The following ADA2 variants were observed in gnomAD, a reference collection of about 807,000 sequenced individuals.
The protein encoded by ADA2 is adenosine deaminase CECR1.
Under a neutral mutation model 44.2 loss-of-function variants are expected in ADA2, and 29 were observed. The observed-to-expected ratio is 0.66, with a 90% CI of 0.49 to 0.89. The LOEUF (loss-of-function observed/expected upper bound fraction) is 0.89, where lower values mean the gene tolerates loss of function less well. Ranked by LOEUF, ADA2 falls within the 40% of genes least tolerant of loss-of-function variation. ADA2 has a pLI of 0.00. For synonymous variants in ADA2, 215 were observed against 234.9 expected (o/e 0.92, Z 0.77); for missense variants, 637 against 644.8 (o/e 0.99, Z 0.13).
intron 4 of ADA2, among the ~76,000 whole-genome samples, chr22:17,203,085 T>G (rs2062310515): frequency 6.6e-6 from 1 of 152,086 alleles, no homozygotes; most frequent in Admixed American, 6.6e-5. Context: ...TCTATTTCAT[T>G]TTTCTACTCC....
At chr22:17,189,732 C>T (rs1167567743) in intron 6 of ADA2, 1 of 529,060 alleles carries the variant, frequency 1.9e-6, no homozygotes, top group Non-Finnish European at 3.4e-6. Flanking sequence ...TCTCCCTTCT[C>T]CAGTGACAGC....
At chr22:17,211,079 C>CA (rs2062413604) in intron 1 of ADA2, among the ~76,000 whole-genome samples, 1 of 151,914 alleles carries the variant, frequency 6.6e-6, no homozygotes, top group Non-Finnish European at 1.5e-5. Flanking sequence ...AATAAAAATA[C>CA]GGCTGGGCGC....
chr22:17,187,871 G>A (rs1171303775), intron 7 of ADA2, among the ~76,000 whole-genome samples: 2 of 151,904 alleles, frequency 1.3e-5, no homozygotes, highest in Non-Finnish European at 2.9e-5. Flanking sequence ...TTGGGAGGCC[G>A]AGGAGGGCAG....
In ADA2 at chr22:17,199,670, G is replaced by A. The variant is rs2062249127; in HGVS notation, c.753+3893C>T. 13 of 1,605,360 alleles carry A rather than the reference G, an allele frequency of 8.1e-6. No individual in the cohort carries two copies. The Admixed American group carries it at 1.4e-4, about 17-fold the overall frequency. On this transcript the variant is annotated intron_variant, in intron 4 of 9. Transcript: ENST00000399837. ...GCTATTAGGACGCTCAGAGAGCCCA[G>A]CGCGGTGAGGAAAGCGACGAACTTA...
intron 4 of ADA2, chr22:17,192,840 A>G (rs200715709): frequency 2.4e-4 from 78 of 323,210 alleles, no homozygotes; most frequent in African/African-American, 7.2e-4. Flanking sequence ...AAAAAAAAAA[A>G]GGGGGGGCCC....
At chr22:17,214,058 AAAT>A in intron 1 of ADA2, 4 of 490,336 alleles carry the variant, frequency 8.2e-6, no homozygotes, top group Non-Finnish European at 1.5e-5. Context: ...AAAAAAAAAA[AAAT>A]AGCATCCAAA....
At chr22:17,208,850 ACAGGG>A (rs1444891359) in intron 2 of ADA2, among the ~76,000 whole-genome samples, 1 of 144,626 alleles carries the variant, frequency 6.9e-6, no homozygotes, top group Non-Finnish European at 1.5e-5. Context: ...TTTTTGGGGA[ACAGGG>A]TCTTGCTCTG....
At chr22:17,207,354 T>G in intron 2 of ADA2, 64 bp from the exon 3 acceptor site, 2 of 1,250,966 alleles carry the variant, frequency 1.6e-6, no homozygotes, top group Non-Finnish European at 2.3e-6. Flanking sequence ...CTCCAGGGCT[T>G]GGGGACAAAG....
chr22:17,186,158 G>A (rs1466788315), intron 7 of ADA2, among the ~76,000 whole-genome samples: 1 of 152,156 alleles, frequency 6.6e-6, no homozygotes, highest in Non-Finnish European at 1.5e-5. Context: ...CTAAAGACAA[G>A]GAGCAGACCT....
intron 7 of ADA2, among the ~76,000 whole-genome samples, chr22:17,183,724 A>G (rs1006395509): frequency 1.3e-5 from 2 of 151,872 alleles, no homozygotes; most frequent in African/African-American, 4.8e-5. Context: ...GGCCTCCCAA[A>G]GTGCTGTGAT....
In ADA2 at chr22:17,181,301, C is replaced by T; in HGVS notation, c.*182G>A. 1.6e-6 allele frequency: 1 copy of T among 625,484 alleles called. No homozygotes were observed. The highest frequency in any genetic ancestry group is 1.8e-5 in the South Asian group (1 of 55,484). 38.7% of individuals were successfully genotyped at this position (625,484 alleles called of 1,614,324 possible). A position where few individuals can be genotyped will look rare whatever the true frequency, so the allele number is the denominator to read the frequency against. ...GAGAAAACCAAGAGGGTCAATGTCA[C>T]TGTGGCTGAGAGAGAATATTTCCAG... On this transcript the variant is annotated 3_prime_UTR_variant, in exon 10 of 10. Transcript: ENST00000399837.
Position 17,179,544 on chromosome 22 carries a change from C to CAGTG in ADA2, c.*1935_*1938dup, listed in dbSNP as rs1424467353. 6.6e-6 allele frequency: 1 copy of CAGTG among 152,238 alleles called. No homozygotes were observed. The allele number at this position is 152,238 out of a possible 1,614,324, so 9.4% of individuals were successfully genotyped here. ...CGAGCACAGGAAAACCTCTCTGAGA[C>CAGTG]AGTGACATGAACTTGAAACTTGAAG... On this transcript the variant is annotated 3_prime_UTR_variant, in exon 10 of 10. Transcript: ENST00000399837.
chr22:17,214,487 T>G (rs1213044629), intron 1 of ADA2, among the ~76,000 whole-genome samples: 1 of 152,224 alleles, frequency 6.6e-6, no homozygotes, highest in African/African-American at 2.4e-5. Context: ...CATCTAACGC[T>G]CTGAGGCCAG....
chr22:17,191,628 C>A, intron 5 of ADA2, 55 bp downstream of exon 5: 2 of 1,590,098 alleles, frequency 1.3e-6, no homozygotes, highest in South Asian at 1.1e-5. Context: ...AGCCTAGTAG[C>A]TCTGCCTGCA....
In ADA2 at chr22:17,213,492, G is replaced by A. The variant is rs575641880; in HGVS notation, c.-46-3769C>T. ...AGAAAACGTGGCAAGTCCATCTACC[G>A]AAGCACCGGGGAGTGTCGTGGATGC... On this transcript the variant is annotated intron_variant, in intron 1 of 9. Transcript: ENST00000399837. 56 of 229,990 alleles carry A rather than the reference G, an allele frequency of 2.4e-4. 1 individual carries two copies. Among genetic ancestry groups the A allele is most frequent in the Admixed American group, 2.4e-3 (44 of 18,162 alleles). The allele number at this position is 229,990 out of a possible 1,614,324, so 14.2% of individuals were successfully genotyped here.
At chr22:17,213,470 A>C (rs2062438056) in intron 1 of ADA2, 1 of 219,964 alleles carries the variant, frequency 4.5e-6, no homozygotes, top group Admixed American at 5.6e-5. Context: ...CGGATAAAGA[A>C]AACGTGGCAA....
chr22:17,190,174 G>A (rs1195362109), intron 5 of ADA2, 142 bp from the exon 6 acceptor site: 2 of 640,444 alleles, frequency 3.1e-6, no homozygotes, highest in Non-Finnish European at 5.6e-6. Context: ...CTGCCCTCCT[G>A]ACCCCACCCT....
chr22:17,218,974 C>G (rs1170413641), intron 1 of ADA2, among the ~76,000 whole-genome samples: 1 of 152,100 alleles, frequency 6.6e-6, no homozygotes, highest in South Asian at 2.1e-4. Context: ...CTGGCCAACA[C>G]GGTGAAACCC....
intron 4 of ADA2, chr22:17,198,621 A>C (rs2062224110): frequency 6.6e-6 from 1 of 152,220 alleles, no homozygotes; most frequent in African/African-American, 2.4e-5. Context: ...AACGTCTTAG[A>C]AAACGTCTGG....
Sources: allele counts gnomAD v4.1 joint callset (sites outside exome capture counted in the v4.1 genomes callset), GRCh38; gene constraint gnomAD v4.1.1; transcripts MANE v1.5; gene names NCBI Gene and HGNC (gene_info 2026-07-23, HGNC 2026-07-21).